SH3KBP1: variants seen among roughly 807,000 people sequenced by gnomAD.
The protein encoded by SH3KBP1 is SH3 domain containing kinase binding protein 1.
A neutral mutation model predicts 50.1 loss-of-function variants in SH3KBP1; 8 were observed. That is an observed-to-expected ratio of 0.16 (90% CI 0.09 to 0.29). The LOEUF (loss-of-function observed/expected upper bound fraction) is 0.29. Ranked by LOEUF, SH3KBP1 falls within the 10% of genes least tolerant of loss-of-function variation. The probability of loss-of-function intolerance (pLI) is 1.00; values close to 1 mark genes in which losing one functional copy is unlikely to be tolerated. For missense variants in SH3KBP1, 377 were observed against 535.2 expected (o/e 0.70, Z 2.92); for synonymous variants, 227 against 218.6 (o/e 1.04, Z -0.34).
intron 2 of SH3KBP1, among the ~76,000 whole-genome samples, chrX:19,793,063 G>A (rs936211721): frequency 5.5e-5 from 6 of 109,836 alleles, no homozygotes; most frequent in East Asian, 2.9e-4. Flanking sequence ...TTGGGAGGCC[G>A]AGGTGGGAGG....
chrX:19,778,671 T>C (rs925569594), intron 2 of SH3KBP1, among the ~76,000 whole-genome samples: 31 of 110,066 alleles, frequency 2.8e-4, no homozygotes, highest in African/African-American at 9.6e-4. Flanking sequence ...GGCCAGTAGG[T>C]GTGATCTGAG....
chrX:19,855,802 T>G (rs989683258), intron 1 of SH3KBP1, among the ~76,000 whole-genome samples: 6 of 112,416 alleles, frequency 5.3e-5, no homozygotes, highest in Admixed American at 3.8e-4. Context: ...GTGTGCTCAC[T>G]GACACCGCAA....
chrX:19,587,671 G>T (rs1381165835), intron 12 of SH3KBP1, among the ~76,000 whole-genome samples: 1 of 111,916 alleles, frequency 8.9e-6, no homozygotes, highest in East Asian at 2.8e-4. Context: ...GATGAAAAAA[G>T]TGAGGTGAGA....
chrX:19,758,645 C>A (rs1302788875), intron 2 of SH3KBP1, among the ~76,000 whole-genome samples: 1 of 111,516 alleles, frequency 9.0e-6, no homozygotes, highest in East Asian at 2.8e-4. Context: ...GTCCATGAAA[C>A]AGTACCCCCA....
intron 2 of SH3KBP1, among the ~76,000 whole-genome samples, chrX:19,749,919 C>G (rs1328855158): frequency 9.0e-6 from 1 of 111,696 alleles, no homozygotes; most frequent in African/African-American, 3.3e-5. Context: ...AAGAGCTTCA[C>G]CTGGACTGCA....
At chrX:19,824,635 A>C (rs1413932042) in intron 2 of SH3KBP1, among the ~76,000 whole-genome samples, 2 of 112,217 alleles carry the variant, frequency 1.8e-5, no homozygotes, top group Admixed American at 1.9e-4. Context: ...TCTGGTAGAA[A>C]GCTAAGGGTT....
At chrX:19,566,714 G>A (rs769737991) in intron 13 of SH3KBP1, among the ~76,000 whole-genome samples, 1 of 112,185 alleles carries the variant, frequency 8.9e-6, no homozygotes, top group Non-Finnish European at 1.9e-5. Flanking sequence ...CAGAGTTTCT[G>A]TTATTGCATC....
chrX:19,849,748 ATCG>A (rs1008616794), intron 1 of SH3KBP1, among the ~76,000 whole-genome samples: 1 of 110,414 alleles, frequency 9.1e-6, no homozygotes, highest in African/African-American at 3.3e-5. Flanking sequence ...GACCTTCCAA[ATCG>A]TGATTCAAAC....
At chrX:19,852,388 G>A (rs1569488720) in intron 1 of SH3KBP1, among the ~76,000 whole-genome samples, 1 of 111,072 alleles carries the variant, frequency 9.0e-6, no homozygotes, top group East Asian at 2.8e-4. Context: ...AGCATAAAAT[G>A]GCTTTTTGAA....
intron 2 of SH3KBP1, among the ~76,000 whole-genome samples, chrX:19,828,468 T>C (rs2147378764): frequency 9.1e-6 from 1 of 109,981 alleles, no homozygotes; most frequent in African/African-American, 3.3e-5. Flanking sequence ...AGCCCAGGAG[T>C]TCAAGACCAG....
chrX:19,663,319 GT>G (rs745998827), intron 6 of SH3KBP1, among the ~76,000 whole-genome samples: 12 of 111,771 alleles, frequency 1.1e-4, no homozygotes, highest in Admixed American at 3.8e-4. Flanking sequence ...GGGATATTTT[GT>G]TTTTTCAGGA....
At chrX:19,631,326 C>T (rs2148281828) in intron 8 of SH3KBP1, among the ~76,000 whole-genome samples, 1 of 112,709 alleles carries the variant, frequency 8.9e-6, no homozygotes, top group East Asian at 2.8e-4. Flanking sequence ...TCACTTCACA[C>T]AGATTTTATA....
intron 1 of SH3KBP1, among the ~76,000 whole-genome samples, chrX:19,866,712 A>AAAAG (rs1162901917): frequency 9.1e-6 from 1 of 109,433 alleles, no homozygotes; most frequent in African/African-American, 3.3e-5. Flanking sequence ...AAAAGAAAAG[A>AAAAG]AAAAAAAGAA....
chrX:19,764,884 C>G (rs1391078034), intron 2 of SH3KBP1, among the ~76,000 whole-genome samples: 6 of 105,899 alleles, frequency 5.7e-5, no homozygotes, highest in African/African-American at 1.7e-4. Flanking sequence ...TCTTGGCTCA[C>G]AGCAACCTCT....
At chrX:19,624,463 T>C (rs951223390) in intron 8 of SH3KBP1, among the ~76,000 whole-genome samples, 1 of 111,842 alleles carries the variant, frequency 8.9e-6, no homozygotes, top group African/African-American at 3.3e-5. Flanking sequence ...GGAATTTACA[T>C]CAGCTGCAAG....
At chrX:19,687,648 C>T (rs527936383) in intron 5 of SH3KBP1, 4 of 1,206,177 alleles carry the variant, frequency 3.3e-6, no homozygotes, top group East Asian at 3.0e-5. Context: ...CCGTCTTTCC[C>T]GGTGCAGCTC....
intron 5 of SH3KBP1, among the ~76,000 whole-genome samples, chrX:19,685,599 C>T (rs1383070160): frequency 1.8e-5 from 2 of 111,556 alleles, no homozygotes; most frequent in African/African-American, 6.5e-5. Context: ...AAGAACCCTC[C>T]CCCATTAGCT....
intron 12 of SH3KBP1, among the ~76,000 whole-genome samples, chrX:19,572,383 T>C (rs1033644028): frequency 7.0e-4 from 71 of 101,432 alleles, no homozygotes; most frequent in African/African-American, 2.5e-3. Context: ...ATGTTATATA[T>C]AGTACATACA....
chrX:19,704,464 C>T (rs1768012574), intron 4 of SH3KBP1, among the ~76,000 whole-genome samples: 1 of 112,740 alleles, frequency 8.9e-6, no homozygotes, highest in Non-Finnish European at 1.9e-5. Context: ...GAAAAGTTAT[C>T]TTCTATGACA....
Sources: gnomAD v4.1 joint callset for allele counts (sites outside exome capture counted in the v4.1 genomes callset) on GRCh38, gnomAD v4.1.1 for gene constraint, MANE v1.5 for transcripts, NCBI Gene and HGNC (gene_info 2026-07-23, HGNC 2026-07-21) for gene names.